Variants in ANK1 observed in about 807,000 individuals in gnomAD.
ANK1 encodes the protein ankyrin-1.
A neutral mutation model predicts 210.4 loss-of-function variants in ANK1; 51 were observed. The ratio of observed to expected loss-of-function variants is 0.24; its 90% confidence interval spans 0.19 to 0.31. The LOEUF (loss-of-function observed/expected upper bound fraction) is 0.31, where lower values mean the gene tolerates loss of function less well. Ranked by LOEUF, ANK1 falls within the 10% of genes least tolerant of loss-of-function variation. The pLI, the probability that ANK1 is intolerant of heterozygous loss-of-function variation, is 1.00. For synonymous variants in ANK1, 967 were observed against 1,025.9 expected, an observed-to-expected ratio of 0.94 and a Z score of 1.10; for missense variants, 2,051 against 2,504.4, an observed-to-expected ratio of 0.82 and a Z score of 3.86.
At chr8:41,698,887 C>T (rs139585013) in intron 23 of ANK1, among the ~76,000 whole-genome samples, 5,389 of 152,048 alleles carry the variant, frequency 0.035, 167 homozygotes, top group African/African-American at 0.088. Flanking sequence ...ACCTCCGCCT[C>T]CCGGGTTCAA....
At chr8:41,713,256 C>T (rs958033866) in intron 16 of ANK1, among the ~76,000 whole-genome samples, 2 of 152,232 alleles carry the variant, frequency 1.3e-5, no homozygotes, top group African/African-American at 4.8e-5. Flanking sequence ...AGTGCGGGTA[C>T]TGCGTGTGGC....
At chr8:41,753,590 G>T (rs1838327634) in intron 2 of ANK1, among the ~76,000 whole-genome samples, 1 of 152,114 alleles carries the variant, frequency 6.6e-6, no homozygotes, top group Non-Finnish European at 1.5e-5. Context: ...TTTGTTACAT[G>T]AATGTACTGC....
At chr8:41,855,769 C>G (rs371477814) in intron 1 of ANK1, among the ~76,000 whole-genome samples, 1 of 152,126 alleles carries the variant, frequency 6.6e-6, no homozygotes, top group Non-Finnish European at 1.5e-5. Context: ...GCAAAAACAC[C>G]GAATGCATTA....
chr8:41,696,826 T>C (rs570975770), intron 24 of ANK1, 53 bp from the exon 25 acceptor site: 343 of 1,530,350 alleles, frequency 2.2e-4, no homozygotes, highest in Non-Finnish European at 2.9e-4. Context: ...GCCAGCTGGA[T>C]GCCGTGCCAG....
At chr8:41,730,854 C>T (rs1832020313) in intron 3 of ANK1, among the ~76,000 whole-genome samples, 1 of 152,194 alleles carries the variant, frequency 6.6e-6, no homozygotes, top group South Asian at 2.1e-4. Flanking sequence ...GCACAGAAGG[C>T]CTGGGCCAGC....
At chr8:41,843,554 C>T (rs1218022241) in intron 1 of ANK1, among the ~76,000 whole-genome samples, 4 of 152,130 alleles carry the variant, frequency 2.6e-5, no homozygotes, top group Non-Finnish European at 4.4e-5. Context: ...GCAGCTGGGG[C>T]GATCAGAAGA....
chr8:41,876,408 C>A (rs974925807), intron 1 of ANK1, among the ~76,000 whole-genome samples: 3 of 152,254 alleles, frequency 2.0e-5, no homozygotes, highest in Non-Finnish European at 4.4e-5. Flanking sequence ...GGGGCTGACA[C>A]TGATCGTGCC....
chr8:41,770,568 G>A (rs183094499), intron 1 of ANK1, among the ~76,000 whole-genome samples: 5 of 152,340 alleles, frequency 3.3e-5, no homozygotes, highest in Admixed American at 3.3e-4. Context: ...AGTCATAGTG[G>A]ACCAGAAGCT....
chr8:41,689,806 C>T (rs536777388), intron 33 of ANK1, among the ~76,000 whole-genome samples: 1 of 152,172 alleles, frequency 6.6e-6, no homozygotes, highest in Non-Finnish European at 1.5e-5. Context: ...GATGAAAAAG[C>T]GGCCTGAGAG....
rs539942749 is a variant in ANK1, at chr8:41,724,441, G to A, written c.711+15C>T. 39 of 1,555,910 alleles carry A rather than the reference G, an allele frequency of 2.5e-5. No individual in the cohort carries two copies. In the South Asian group the frequency reaches 2.8e-4, roughly 11 times the overall value. On this transcript the variant is annotated intron_variant, in intron 7 of 42. Transcript: ENST00000289734. ...AAGCCCCCGGACAGTGAGGGCGCAC[G>A]TGCCCCAGGGTTACCTGTGGTGTGA...
intron 20 of ANK1, 55 bp from the exon 21 acceptor site, chr8:41,702,199 G>A: frequency 6.8e-7 from 1 of 1,470,216 alleles, no homozygotes; most frequent in East Asian, 2.3e-5. Context: ...CTAGGAGGCG[G>A]GGCTGGCTCC....
chr8:41,703,964 C>T, intron 20 of ANK1, 77 bp downstream of exon 20: 1 of 1,373,846 alleles, frequency 7.3e-7, no homozygotes, highest in Non-Finnish European at 1.0e-6. Context: ...GCATTAACCT[C>T]TACGGTTAGG....
chr8:41,811,158 C>T (rs1402966354), intron 1 of ANK1, among the ~76,000 whole-genome samples: 3 of 152,204 alleles, frequency 2.0e-5, no homozygotes, highest in Admixed American at 2.0e-4. Context: ...CATTGTTTAA[C>T]TCTGCCTATC....
intron 1 of ANK1, among the ~76,000 whole-genome samples, chr8:41,802,718 G>A (rs1480929826): frequency 4.0e-5 from 6 of 151,838 alleles, no homozygotes; most frequent in African/African-American, 9.7e-5. Flanking sequence ...CCGATCACTC[G>A]GGCAACATGG....
chr8:41,794,755 A>T (rs968394759), intron 1 of ANK1, among the ~76,000 whole-genome samples: 2 of 152,150 alleles, frequency 1.3e-5, no homozygotes, highest in African/African-American at 4.8e-5. Context: ...CCCAGGCTGG[A>T]GTGCAGTGGC....
In ANK1 at chr8:41,714,954, G is replaced by A. The variant is rs773585026; in HGVS notation, c.1701+22C>T. ...TTGCCTCTAACCTGAGAGCTGCAGG[G>A]GAGGGCAGGGTTCAAACTCACTTTT... On this transcript the variant is annotated intron_variant, in intron 15 of 42. Transcript: ENST00000289734. 18 of 1,611,894 alleles carry A rather than the reference G, an allele frequency of 1.1e-5. No individual in the cohort carries two copies. In the South Asian group the frequency reaches 2.0e-4, roughly 18 times the overall value.
At chr8:41,861,447 C>T (rs1813260394) in intron 1 of ANK1, among the ~76,000 whole-genome samples, 1 of 152,240 alleles carries the variant, frequency 6.6e-6, no homozygotes, top group Non-Finnish European at 1.5e-5. Context: ...AATTAACGCA[C>T]AGCTTGTTTG....
At chr8:41,699,596 T>A (rs1822115085) in intron 22 of ANK1, 48 bp from the exon 23 acceptor site, 1 of 1,569,978 alleles carries the variant, frequency 6.4e-7, no homozygotes, top group Non-Finnish European at 8.8e-7. Context: ...GGAAGAAGAG[T>A]CCCTCTTTTT....
chr8:41,840,378 A>G (rs1441198385), intron 1 of ANK1: 1 of 152,170 alleles, frequency 6.6e-6, no homozygotes, highest in African/African-American at 2.4e-5. Flanking sequence ...AAAAATATAT[A>G]CTCATTAATG....
Sources: gnomAD v4.1 joint callset for allele counts (sites outside exome capture counted in the v4.1 genomes callset) on GRCh38, gnomAD v4.1.1 for gene constraint, MANE v1.5 for transcripts, NCBI Gene and HGNC (gene_info 2026-07-23, HGNC 2026-07-21) for gene names.